The following NOL7 variants were observed in gnomAD, a reference collection of about 807,000 sequenced individuals.
NOL7 encodes the protein nucleolar protein 7, also known as U3 small nucleolar RNA-associated protein NOL7.
Under a neutral mutation model 38.4 loss-of-function variants are expected in NOL7, and 36 were observed. The observed-to-expected ratio is 0.94, with a 90% CI of 0.72 to 1.24. NOL7 has a LOEUF of 1.24. Among genes scored for constraint, NOL7 ranks in the 50% most tolerant of loss-of-function variants. The pLI is 0.00. For missense variants in NOL7, 350 were observed against 315.1 expected (o/e 1.11, Z -0.84); for synonymous variants, 142 against 126.5 (o/e 1.12, Z -0.82).
chr6:13,615,778 A>G lies in NOL7; in HGVS notation c.327+6A>G. The G allele has an allele frequency of 1.9e-6, 3 of 1,607,286 alleles. No individual in the cohort carries two copies. Among genetic ancestry groups the G allele is most frequent in the Non-Finnish European group, 2.5e-6 (3 of 1,177,842 alleles). On this transcript the variant is annotated splice_donor_region_variant and intron_variant, in intron 2 of 7. Transcript: ENST00000451315. Reference sequence around the variant, plus strand: ...AGCTGTTCATCGAACAGAAGGTTAGAGGCTAGGGAGGAGGTGTCTTATTAA... The same window carrying G: ...AGCTGTTCATCGAACAGAAGGTTAGGGGCTAGGGAGGAGGTGTCTTATTAA...
intron 2 of NOL7, 37 bp from the exon 3 acceptor site, chr6:13,616,426 G>T (rs759235917): frequency 2.6e-5 from 38 of 1,467,976 alleles, no homozygotes; most frequent in Non-Finnish European, 3.3e-5. Context: ...CTATGTACAT[G>T]ACTTTCTATT....
At chr6:13,619,816 AATT>A (rs1179638169) in intron 5 of NOL7, among the ~76,000 whole-genome samples, 2 of 152,210 alleles carry the variant, frequency 1.3e-5, no homozygotes, top group Non-Finnish European at 2.9e-5. Flanking sequence ...GCATATATAA[AATT>A]AGTTTCATTT....
At chr6:13,620,534 T>G (rs776961506) in intron 7 of NOL7, 49 bp downstream of exon 7, 1 of 1,518,534 alleles carries the variant, frequency 6.6e-7, no homozygotes, top group Non-Finnish European at 9.1e-7. Context: ...ATATGTTGAA[T>G]AATGTTCTTT....
At position 13,628,692 on chromosome 6, in the gene NOL7, C is replaced by T. The variant is rs375704152; in HGVS notation, n.574-3701C>T. On this transcript the variant is annotated intron_variant and non_coding_transcript_variant, in intron 8 of 8. Transcript: ENST00000474485. ...CATCTAGGACTTGATTCTTTCTTCA[C>T]AAAGGAAAATGAATGAAACTGGCAA... is the stretch of plus-strand genomic sequence containing the variant. Among the ~76,000 whole-genome samples the T allele has an allele frequency of 2.5e-4, 38 of 152,242 alleles. 1 individual carries two copies. The South Asian group carries it at 7.7e-3, about 31-fold the overall frequency.
In NOL7 at chr6:13,617,751, TTTTG is replaced by T. The variant is rs551143186; in HGVS notation, c.387-15_387-12del. On this transcript the variant is annotated splice_polypyrimidine_tract_variant and intron_variant, in intron 3 of 7. Coordinates refer to ENST00000451315, the MANE Select transcript of NOL7 (RefSeq NM_016167.5). ...TCTTTACTGCCATTGCAGTCAGTGG[TTTTG>T]TTTTTTTTCCTTAGCATCAAGAAAT... is the stretch of plus-strand genomic sequence containing the variant. 1.1e-4 allele frequency: 182 copies of T among 1,612,662 alleles called. No individual in the cohort carries two copies. Among genetic ancestry groups the T allele is most frequent in the Admixed American group, 7.8e-4 (47 of 59,982 alleles).
intron 8 of NOL7, among the ~76,000 whole-genome samples, chr6:13,629,921 C>CGTGT (rs3063992): frequency 0.16 from 19,889 of 128,040 alleles, 1,401 homozygotes; most frequent in South Asian, 0.24. Context: ...CTCTCTCTCT[C>CGTGT]GTGTGTGTGT....
rs1764401052 is a variant in NOL7 at position 13,620,156 on chromosome 6, A to G, written c.501-52A>G. On this transcript the variant is annotated intron_variant, in intron 5 of 7. Transcript: ENST00000451315. Reference sequence around the variant, plus strand: ...AGACTCTGTCTCAGGAAGAAAAAAAAAAGAAAGTAAGCATGTGTAATTCTT... The same window carrying G: ...AGACTCTGTCTCAGGAAGAAAAAAAGAAGAAAGTAAGCATGTGTAATTCTT... 4 of 1,567,224 alleles carry G rather than the reference A, an allele frequency of 2.6e-6. 1 individual carries two copies. In the African/African-American group the frequency reaches 4.1e-5, roughly 16 times the overall value.
At chr6:13,620,079 G>C (rs1307205741) in intron 5 of NOL7, 129 bp from the exon 6 acceptor site, 8 of 997,328 alleles carry the variant, frequency 8.0e-6, no homozygotes, top group Non-Finnish European at 1.1e-5. Context: ...GCTTGAACCT[G>C]GGAGGCAGAA....
chr6:13,627,897 T>C (rs920055441), intron 8 of NOL7, among the ~76,000 whole-genome samples: 2 of 152,052 alleles, frequency 1.3e-5, no homozygotes, highest in Non-Finnish European at 2.9e-5. Flanking sequence ...CACTGTCTAG[T>C]GCAGCAAACC....
In NOL7 at chr6:13,620,259, T is replaced by G. The variant is rs1363755615; in HGVS notation, c.552T>G (p.Asp184Glu). Reference sequence around the variant, plus strand: ...GGCTAAAAGACCAAGATCTGAGAGATTCAAGGCAACAAGCAGCACAAGCCT... The same window carrying G: ...GGCTAAAAGACCAAGATCTGAGAGAGTCAAGGCAACAAGCAGCACAAGCCT... Reference protein sequence around the residue: ...AVRLKDQDLRDSRQQAAQAFI... With the variant: ...AVRLKDQDLRESRQQAAQAFI... The change falls in exon 6 of 8, where the codon GAT (aspartate) becomes GAG (glutamate). Residue 184 changes from aspartate to glutamate, a missense_variant. Transcript: ENST00000451315. The G allele has an allele frequency of 6.2e-7, 1 of 1,614,120 alleles. No individual in the cohort carries two copies. The highest frequency in any genetic ancestry group is 8.5e-7 in the Non-Finnish European group (1 of 1,180,004).
chr6:13,629,239 G>C (rs1322342375), intron 8 of NOL7, among the ~76,000 whole-genome samples: 1 of 152,136 alleles, frequency 6.6e-6, no homozygotes, highest in Non-Finnish European at 1.5e-5. Context: ...GCCTCCCAAA[G>C]TGTTGGGATT....
chr6:13,629,038 T>G (rs547549687), intron 8 of NOL7, among the ~76,000 whole-genome samples: 15 of 152,316 alleles, frequency 9.8e-5, no homozygotes, highest in African/African-American at 3.4e-4. Context: ...GCATCTGACA[T>G]AAAAGCAAAT....
chr6:13,617,624 C>G, intron 3 of NOL7, 146 bp from the exon 4 acceptor site: 2 of 698,902 alleles, frequency 2.9e-6, no homozygotes, highest in Non-Finnish European at 5.0e-6. Flanking sequence ...TATTGCTTTC[C>G]AAACTGATGA....
At chr6:13,627,753 G>C (rs774562291) in intron 8 of NOL7, among the ~76,000 whole-genome samples, 5 of 148,776 alleles carry the variant, frequency 3.4e-5, no homozygotes, top group Non-Finnish European at 7.4e-5. Context: ...AATTTAAAAA[G>C]AAATACTGAA....
At chr6:13,625,665 T>C, downstream of NOL7, 1 of 1,605,344 alleles carries the variant, frequency 6.2e-7, no homozygotes, top group Non-Finnish European at 8.5e-7. Context: ...AATATTGCAC[T>C]GTTAAGAGCT....
chr6:13,629,126 T>C (rs1033826833), intron 8 of NOL7, among the ~76,000 whole-genome samples: 2 of 152,194 alleles, frequency 1.3e-5, no homozygotes, highest in Admixed American at 6.5e-5. Flanking sequence ...TTTTTGTTTT[T>C]TTGAGACAGG....
intron 5 of NOL7, among the ~76,000 whole-genome samples, chr6:13,619,021 CAATA>C (rs1764365923): frequency 6.6e-6 from 1 of 152,162 alleles, no homozygotes; most frequent in South Asian, 2.1e-4. Flanking sequence ...TCACCTCTCC[CAATA>C]GATAGATGTT....
Position 13,616,535 on chromosome 6 carries a change from CT to C in NOL7, c.386+19del. ...TTCACAGACTAAGTAAGTAATGGATCTTTTTATATTACTTGCTTATATACAC... is the reference window on the plus strand; with the variant it reads ...TTCACAGACTAAGTAAGTAATGGATCTTTTATATTACTTGCTTATATACAC... On this transcript the variant is annotated intron_variant, in intron 3 of 7. Transcript: ENST00000451315. The C allele has an allele frequency of 1.9e-6, 3 of 1,563,796 alleles. No homozygotes were observed. The highest frequency in any genetic ancestry group is 2.6e-6 in the Non-Finnish European group (3 of 1,139,488).
At position 13,621,522 on chromosome 6, in the gene NOL7, C is replaced by G. The variant is rs1764444977; in HGVS notation, c.*695C>G. On this transcript the variant is annotated 3_prime_UTR_variant, in exon 8 of 8. Transcript: ENST00000451315. ...ATCTGTAGAAGTAAATTTTTAATGG[C>G]TGGTTAATTATATCACTACATTTTA... 6.6e-6 allele frequency: 1 copy of G among 152,486 alleles called. No homozygotes were observed. Among genetic ancestry groups the G allele is most frequent in the Non-Finnish European group, 1.5e-5 (1 of 68,008 alleles). The allele number at this position is 152,486 out of a possible 1,614,324, so 9.4% of individuals were successfully genotyped here.
Sources: allele counts gnomAD v4.1 joint callset (sites outside exome capture counted in the v4.1 genomes callset), GRCh38; gene constraint gnomAD v4.1.1; transcripts MANE v1.5; gene names NCBI Gene and HGNC (gene_info 2026-07-23, HGNC 2026-07-21).